Variants in RANBP2 observed in about 807,000 individuals in gnomAD.
The protein encoded by RANBP2 is RAN binding protein 2, also known as E3 SUMO-protein ligase RanBP2.
RANBP2 carries 57 observed loss-of-function variants against 303.6 expected under a neutral mutation model. The observed-to-expected ratio is 0.19, with a 90% CI of 0.15 to 0.23. The LOEUF (loss-of-function observed/expected upper bound fraction) is 0.23, where lower values mean the gene tolerates loss of function less well. Among genes scored for constraint, RANBP2 ranks in the 10% least tolerant of loss-of-function variants. The pLI is 1.00. For synonymous variants in RANBP2, 1,167 were observed against 1,301.5 expected (o/e 0.90, Z 2.23); for missense variants, 3,138 against 3,780.8 (o/e 0.83, Z 4.46).
the RANBP2 span, among the ~76,000 whole-genome samples, chr2:109,348,959 A>C: frequency 6.6e-6 from 1 of 152,032 alleles, no homozygotes; most frequent in Non-Finnish European, 1.5e-5. Flanking sequence ...GATGCCCAGA[A>C]GTTGTTGTTT....
At chr2:108,799,951 G>A in the RANBP2 span, among the ~76,000 whole-genome samples, 1 of 151,790 alleles carries the variant, frequency 6.6e-6, no homozygotes. Context: ...ATTTCAAGTT[G>A]TTTAAAAAAT....
chr2:109,108,612 C>T, the RANBP2 span, among the ~76,000 whole-genome samples: 2 of 152,156 alleles, frequency 1.3e-5, no homozygotes, highest in Admixed American at 1.3e-4. Context: ...AGTGTGCTCA[C>T]GTTTCTCTTG....
rs140976191 is a variant in RANBP2, at chr2:108,779,578, T to C, written c.8600-1691T>C. Among the ~76,000 whole-genome samples the C allele has an allele frequency of 1.1e-3, 171 of 152,352 alleles. 1 individual carries two copies. The East Asian group carries it at 0.02, about 18-fold the overall frequency. ...GAGTTATGTATCCTGTGACATTTTT[T>C]CTTTTTCATGAGAGTTTTTAGCAGA... On this transcript the variant is annotated intron_variant, in intron 25 of 28. Coordinates refer to ENST00000283195, the MANE Select transcript of RANBP2 (RefSeq NM_006267.5).
the RANBP2 span, among the ~76,000 whole-genome samples, chr2:109,710,147 C>T: frequency 2.0e-5 from 3 of 151,010 alleles, no homozygotes; most frequent in South Asian, 2.1e-4. Context: ...TTTGGGAGGC[C>T]GAGACGGGTG....
At position 108,763,962 on chromosome 2, in the gene RANBP2, A is replaced by G. The variant is rs1234422286; in HGVS notation, c.3423A>G (p.Val1141=). Residue 1141 remains valine, a synonymous_variant, in exon 20 of 29, where the codon GTA becomes GTG. Coordinates refer to ENST00000283195, the MANE Select transcript of RANBP2 (RefSeq NM_006267.5). ...CTTTCCATGGTCCAGGGAAATCAGT[A>G]TTTGGAACACCCACTTTAGAGACAG... ...MFTFHGPGKS[V]FGTPTLETAN... 2 of 1,613,992 alleles carry G rather than the reference A, an allele frequency of 1.2e-6. No homozygotes were observed. Among genetic ancestry groups the G allele is most frequent in the Admixed American group, 1.7e-5 (1 of 60,004 alleles).
At chr2:109,378,694 T>C in the RANBP2 span, among the ~76,000 whole-genome samples, 4 of 152,204 alleles carry the variant, frequency 2.6e-5, no homozygotes, top group Non-Finnish European at 4.4e-5. Flanking sequence ...AGGGAAGCCT[T>C]TCATGTGGGG....
the RANBP2 span, among the ~76,000 whole-genome samples, chr2:109,557,709 AAG>A: frequency 2.2e-4 from 33 of 152,358 alleles, no homozygotes; most frequent in Admixed American, 1.0e-3. Flanking sequence ...TCAGATCTGA[AAG>A]AGAATGGTCT....
chr2:108,760,296 TTGTTACCA>T (rs1419664533), intron 18 of RANBP2, among the ~76,000 whole-genome samples: 3 of 152,218 alleles, frequency 2.0e-5, no homozygotes, highest in Non-Finnish European at 4.4e-5. Flanking sequence ...TTTTATGAGA[TTGTTACCA>T]TGTTACTATG....
At chr2:108,841,318 A>G in the RANBP2 span, among the ~76,000 whole-genome samples, 10,579 of 152,190 alleles carry the variant, frequency 0.07, 468 homozygotes, top group South Asian at 0.15. Flanking sequence ...ATCCTTGCTG[A>G]TACTTTGTCC....
chr2:108,721,413 A>G (rs1220542556), intron 1 of RANBP2, among the ~76,000 whole-genome samples: 1 of 152,190 alleles, frequency 6.6e-6, no homozygotes, highest in Non-Finnish European at 1.5e-5. Flanking sequence ...GGGTTCCTGT[A>G]ACTCCTGAAA....
At chr2:109,275,787 C>T in the RANBP2 span, among the ~76,000 whole-genome samples, 1 of 151,948 alleles carries the variant, frequency 6.6e-6, no homozygotes, top group African/African-American at 2.4e-5. Flanking sequence ...GTTTATGAAG[C>T]GAGGCACAGT....
chr2:108,790,169 ATG>A (rs1418161930), downstream of RANBP2, among the ~76,000 whole-genome samples: 1 of 152,196 alleles, frequency 6.6e-6, no homozygotes, highest in African/African-American at 2.4e-5. Context: ...TTACTATTTC[ATG>A]TTGCACTCAC....
At chr2:109,484,935 C>T in the RANBP2 span, among the ~76,000 whole-genome samples, 1 of 152,214 alleles carries the variant, frequency 6.6e-6, no homozygotes, top group African/African-American at 2.4e-5. Context: ...TTGTGTGTAC[C>T]TGGTGGAGTT....
chr2:109,305,781 A>AGC, the RANBP2 span, among the ~76,000 whole-genome samples: 2 of 152,222 alleles, frequency 1.3e-5, no homozygotes, highest in African/African-American at 4.8e-5. Context: ...AGATGCCACA[A>AGC]AACTTGCTGG....
the RANBP2 span, chr2:108,839,151 C>A: frequency 1.9e-6 from 3 of 1,566,816 alleles, no homozygotes; most frequent in Non-Finnish European, 2.6e-6. Flanking sequence ...AAATACTGTG[C>A]CTTTGTATTT....
chr2:108,747,027 C>A (rs1398292674), intron 8 of RANBP2, among the ~76,000 whole-genome samples: 1 of 152,156 alleles, frequency 6.6e-6, no homozygotes, highest in East Asian at 1.9e-4. Context: ...TTTCTTAACT[C>A]TTTCTTTATC....
the RANBP2 span, among the ~76,000 whole-genome samples, chr2:109,003,032 C>A: frequency 1.3e-5 from 2 of 151,782 alleles, no homozygotes; most frequent in Non-Finnish European, 2.9e-5. Flanking sequence ...ATGGTGAAAC[C>A]CCGTCTCTAC....
the RANBP2 span, among the ~76,000 whole-genome samples, chr2:109,534,193 C>T: frequency 2.0e-5 from 3 of 152,192 alleles, no homozygotes; most frequent in Non-Finnish European, 2.9e-5. Flanking sequence ...ATGATAAACA[C>T]CTACACTGTT....
the RANBP2 span, among the ~76,000 whole-genome samples, chr2:109,420,233 C>A: frequency 6.6e-6 from 1 of 152,196 alleles, no homozygotes; most frequent in Non-Finnish European, 1.5e-5. Flanking sequence ...CCATTTAAAT[C>A]ATGCTCTGAA....
Sources: allele counts gnomAD v4.1 joint callset (sites outside exome capture counted in the v4.1 genomes callset), GRCh38; gene constraint gnomAD v4.1.1; transcripts MANE v1.5; gene names NCBI Gene and HGNC (gene_info 2026-07-23, HGNC 2026-07-21).